Variants in ARAP2 observed in about 807,000 individuals in gnomAD.
ARAP2 encodes the protein arf-GAP with Rho-GAP domain, ANK repeat and PH domain-containing protein 2.
In ARAP2, 148 loss-of-function variants were observed where a neutral mutation model predicts 194.5. The ratio of observed to expected loss-of-function variants is 0.76; its 90% CI spans 0.67 to 0.87. The LOEUF (loss-of-function observed/expected upper bound fraction) is 0.87. Ranked by LOEUF, ARAP2 falls within the 40% of genes least tolerant of loss-of-function variation. The pLI, the probability that ARAP2 is intolerant of heterozygous loss-of-function variation, is 0.00. For synonymous variants in ARAP2, 695 were observed against 683.5 expected, an observed-to-expected ratio of 1.02 and a Z score of -0.26; for missense variants, 2,128 against 1,989.7, an observed-to-expected ratio of 1.07 and a Z score of -1.32.
intron 11 of ARAP2, among the ~76,000 whole-genome samples, chr4:36,163,945 T>C (rs1275945135): frequency 6.6e-6 from 1 of 152,210 alleles, no homozygotes; most frequent in Non-Finnish European, 1.5e-5. Flanking sequence ...AGAAATGCAG[T>C]TGAATAGTGC....
intron 5 of ARAP2, among the ~76,000 whole-genome samples, chr4:36,038,348 G>C (rs1403321747): frequency 6.6e-6 from 1 of 152,200 alleles, no homozygotes; most frequent in Non-Finnish European, 1.5e-5. Flanking sequence ...ATGGAGGTCA[G>C]AGAAGCAGTT....
chr4:36,143,394 A>G (rs1728824635), intron 19 of ARAP2, among the ~76,000 whole-genome samples: 1 of 151,684 alleles, frequency 6.6e-6, no homozygotes, highest in Non-Finnish European at 1.5e-5. Context: ...CTCCTAGAAC[A>G]CTTGTTGCTT....
intron 7 of ARAP2, among the ~76,000 whole-genome samples, chr4:36,191,432 C>T (rs1447148950): frequency 6.6e-6 from 1 of 150,966 alleles, no homozygotes; most frequent in East Asian, 1.9e-4. Flanking sequence ...AAAATAATTC[C>T]CCAGAGGTGA....
chr4:36,082,132 T>C, intron 30 of ARAP2, 119 bp downstream of exon 30: 1 of 923,598 alleles, frequency 1.1e-6, no homozygotes, highest in Non-Finnish European at 1.7e-6. Context: ...CAAACAACCC[T>C]AATTTCACTT....
chr4:36,049,655 T>C (rs1722354634), intron 3 of ARAP2, among the ~76,000 whole-genome samples: 1 of 152,142 alleles, frequency 6.6e-6, no homozygotes, highest in South Asian at 2.1e-4. Flanking sequence ...TTGGTATTCA[T>C]CTCTAATTGA....
At chr4:36,169,396 C>A (rs906986126) in intron 9 of ARAP2, among the ~76,000 whole-genome samples, 2 of 152,144 alleles carry the variant, frequency 1.3e-5, no homozygotes, top group Non-Finnish European at 2.9e-5. Context: ...CTCATCAAGG[C>A]TCCTGCATGA....
intron 15 of ARAP2, among the ~76,000 whole-genome samples, chr4:36,153,711 C>A (rs1445967621): frequency 1.3e-5 from 2 of 152,158 alleles, no homozygotes; most frequent in African/African-American, 2.4e-5. Context: ...TAGTTGGATA[C>A]CTTGATTGTC....
At chr4:36,086,806 G>A (rs1413648700) in intron 28 of ARAP2, among the ~76,000 whole-genome samples, 1 of 152,018 alleles carries the variant, frequency 6.6e-6, no homozygotes, top group Non-Finnish European at 1.5e-5. Flanking sequence ...TTACCCATTT[G>A]CTTTCTTCAC....
intron 27 of ARAP2, among the ~76,000 whole-genome samples, chr4:36,099,059 C>T (rs974087142): frequency 1.3e-5 from 2 of 151,802 alleles, no homozygotes; most frequent in African/African-American, 4.8e-5. Context: ...CCCTCCCCTC[C>T]CCATGGACAG....
chr4:36,117,560 G>A (rs889074441), intron 24 of ARAP2, among the ~76,000 whole-genome samples: 9 of 151,618 alleles, frequency 5.9e-5, no homozygotes, highest in African/African-American at 2.2e-4. Context: ...TATAATGTGT[G>A]CATGATACCA....
At chr4:36,105,268 T>C (rs549013280) in intron 27 of ARAP2, among the ~76,000 whole-genome samples, 1 of 152,092 alleles carries the variant, frequency 6.6e-6, no homozygotes, top group South Asian at 2.1e-4. Context: ...TGCAGTAAGC[T>C]GAGATCACGC....
chr4:36,227,153 T>C (rs1339360330), intron 2 of ARAP2, among the ~76,000 whole-genome samples: 48 of 152,300 alleles, frequency 3.2e-4, no homozygotes, highest in Admixed American at 3.1e-3. Flanking sequence ...AAATCCTAGT[T>C]CACTACCCAT....
intron 31 of ARAP2, among the ~76,000 whole-genome samples, chr4:36,076,339 C>T (rs1041756810): frequency 1.3e-5 from 2 of 152,030 alleles, no homozygotes; most frequent in African/African-American, 4.8e-5. Flanking sequence ...TTTCTTCTTC[C>T]TGATTGGATT....
At chr4:36,152,097 G>A (rs1731131812) in intron 15 of ARAP2, among the ~76,000 whole-genome samples, 2 of 152,204 alleles carry the variant, frequency 1.3e-5, no homozygotes, top group African/African-American at 2.4e-5. Context: ...CAATCACAAG[G>A]AGTAACCATT....
chr4:36,210,009 A>G (rs145877619), intron 6 of ARAP2, among the ~76,000 whole-genome samples: 1 of 152,336 alleles, frequency 6.6e-6, no homozygotes, highest in Non-Finnish European at 1.5e-5. Context: ...CACTGTTATG[A>G]TATGAGCAAA....
intron 6 of ARAP2, among the ~76,000 whole-genome samples, chr4:36,018,961 T>C (rs921586170): frequency 1.3e-5 from 2 of 150,230 alleles, no homozygotes; most frequent in Non-Finnish European, 2.9e-5. Flanking sequence ...AAATGGCATA[T>C]AGGCAGAGGA....
rs1410600357 is a variant in ARAP2, at chr4:36,128,761, A to G, written c.3428-16T>C. On this transcript the variant is annotated splice_polypyrimidine_tract_variant and intron_variant, in intron 20 of 32. Transcript: ENST00000303965. ...CATCCTAAACCTTTGTTTAAAAAAA[A>G]AAAGTTATACTTTAAAAGTCTAAAT... 2 of 1,572,380 alleles carry G rather than the reference A, an allele frequency of 1.3e-6. No individual in the cohort carries two copies. Among genetic ancestry groups the G allele is most frequent in the Non-Finnish European group, 1.7e-6 (2 of 1,157,514 alleles).
At chr4:36,030,535 C>T (rs952181345) in intron 5 of ARAP2, among the ~76,000 whole-genome samples, 2 of 151,966 alleles carry the variant, frequency 1.3e-5, no homozygotes, top group Admixed American at 1.3e-4. Context: ...ATGTAATTCA[C>T]CTTGAAACGT....
intron 19 of ARAP2, among the ~76,000 whole-genome samples, chr4:36,142,193 C>G (rs949534382): frequency 6.6e-6 from 1 of 151,702 alleles, no homozygotes; most frequent in Non-Finnish European, 1.5e-5. Flanking sequence ...CATCCCACTA[C>G]CACATGGAGA....
Sources: allele counts gnomAD v4.1 joint callset (sites outside exome capture counted in the v4.1 genomes callset), GRCh38; gene constraint gnomAD v4.1.1; transcripts MANE v1.5; gene names NCBI Gene and HGNC (gene_info 2026-07-23, HGNC 2026-07-21).